Variants in EYS observed in about 807,000 individuals in gnomAD.
The protein encoded by EYS is protein eyes shut homolog.
Under a neutral mutation model 282.1 loss-of-function variants are expected in EYS, and 250 were observed. The observed-to-expected ratio is 0.89, with a 90% CI of 0.80 to 0.98. EYS has a LOEUF of 0.98. EYS is among the 50% of genes least tolerant of loss of function. The pLI, the probability that EYS is intolerant of heterozygous loss-of-function variation, is 0.00. For synonymous variants in EYS, 1,355 were observed against 1,282.9 expected (o/e 1.06, Z -1.20); for missense variants, 4,016 against 3,709.0 (o/e 1.08, Z -2.15).
chr6:64,468,593 T>C (rs1189568394), intron 26 of EYS, among the ~76,000 whole-genome samples: 1 of 152,198 alleles, frequency 6.6e-6, no homozygotes, highest in Non-Finnish European at 1.5e-5. Flanking sequence ...TACAGATTAT[T>C]TGATCACACA....
chr6:64,164,043 A>G (rs1433439162), intron 31 of EYS, among the ~76,000 whole-genome samples: 1 of 152,138 alleles, frequency 6.6e-6, no homozygotes, highest in East Asian at 1.9e-4. Flanking sequence ...ACTCTCAGAC[A>G]ATGTTTCTGA....
chr6:64,532,896 T>C (rs1764396553), intron 26 of EYS, among the ~76,000 whole-genome samples: 1 of 152,136 alleles, frequency 6.6e-6, no homozygotes, highest in Non-Finnish European at 1.5e-5. Context: ...CCCCCTATTT[T>C]GGATTCAGTT....
At position 65,123,825 on chromosome 6, in the gene EYS, C is replaced by T. The variant is rs4559078; in HGVS notation, c.2024-66098G>A. 7.9e-5 allele frequency among the ~76,000 whole-genome samples: 12 copies of T among 151,582 alleles called. No individual in the cohort carries two copies. In the East Asian group the frequency reaches 1.4e-3, roughly 17 times the overall value. On this transcript the variant is annotated intron_variant, in intron 12 of 42. Coordinates refer to ENST00000503581, the MANE Select transcript of EYS (RefSeq NM_001142800.2). ...CCAAAGAGAAAAGTTTATCATATTTCGCCAAGAATTTCCCTAAATTCTGAA... is the reference window on the plus strand; with the variant it reads ...CCAAAGAGAAAAGTTTATCATATTTTGCCAAGAATTTCCCTAAATTCTGAA...
intron 29 of EYS, among the ~76,000 whole-genome samples, chr6:64,308,982 T>A (rs1185731642): frequency 1.3e-5 from 2 of 151,084 alleles, no homozygotes; most frequent in Non-Finnish European, 2.9e-5. Context: ...TAGATTTAAT[T>A]CTTATTTTTA....
chr6:64,045,435 T>G (rs1448478605), intron 33 of EYS, among the ~76,000 whole-genome samples: 1 of 148,674 alleles, frequency 6.7e-6, no homozygotes, highest in East Asian at 1.9e-4. Flanking sequence ...TTATTTTATT[T>G]TATTTATTTT....
intron 31 of EYS, among the ~76,000 whole-genome samples, chr6:64,194,517 T>TA (rs1245923397): frequency 6.6e-6 from 1 of 152,214 alleles, no homozygotes; most frequent in African/African-American, 2.4e-5. Flanking sequence ...TTTCATGACT[T>TA]ACATATTATT....
chr6:65,557,984 T>C (rs1768884483), intron 2 of EYS, among the ~76,000 whole-genome samples: 1 of 152,048 alleles, frequency 6.6e-6, no homozygotes, highest in South Asian at 2.1e-4. Context: ...GGTTCATGGG[T>C]GGCCATGGGA....
intron 30 of EYS, among the ~76,000 whole-genome samples, chr6:64,245,737 C>T (rs923326439): frequency 1.3e-5 from 2 of 152,018 alleles, no homozygotes; most frequent in Non-Finnish European, 2.9e-5. Flanking sequence ...AACTTAGAGG[C>T]CTGAGGATAA....
chr6:65,212,780 A>G (rs1156461324), intron 12 of EYS, among the ~76,000 whole-genome samples: 2 of 152,174 alleles, frequency 1.3e-5, no homozygotes, highest in Non-Finnish European at 2.9e-5. Flanking sequence ...TAAAAAATTC[A>G]TTAATATTGT....
intron 24 of EYS, among the ~76,000 whole-genome samples, chr6:64,610,022 AG>A (rs1354027435): frequency 1.3e-5 from 2 of 152,196 alleles, no homozygotes; most frequent in African/African-American, 4.8e-5. Context: ...CATAGAGGAA[AG>A]AACACTGATC....
In EYS at chr6:65,616,679, G is replaced by A. The variant is rs566659438; in HGVS notation, c.-333+23099C>T. 3.5e-4 allele frequency among the ~76,000 whole-genome samples: 53 copies of A among 151,906 alleles called. 1 individual carries two copies. In the South Asian group the frequency reaches 1.0e-2, roughly 29 times the overall value. On this transcript the variant is annotated intron_variant, in intron 2 of 42. Coordinates refer to ENST00000503581, the MANE Select transcript of EYS (RefSeq NM_001142800.2). Reference sequence around the variant, plus strand: ...CACGTGCCTGTACTCCTAGCTACTCGGAAGGCTGAGGCAGGAGAATAGCTT... The same window carrying A: ...CACGTGCCTGTACTCCTAGCTACTCAGAAGGCTGAGGCAGGAGAATAGCTT...
intron 29 of EYS, among the ~76,000 whole-genome samples, chr6:64,385,202 T>C (rs1252691056): frequency 6.6e-6 from 1 of 152,176 alleles, no homozygotes; most frequent in Non-Finnish European, 1.5e-5. Flanking sequence ...TATCTTTCTT[T>C]TTCTGATTCA....
chr6:65,357,780 G>A (rs1427807233), intron 8 of EYS, among the ~76,000 whole-genome samples: 12 of 151,952 alleles, frequency 7.9e-5, no homozygotes, highest in Admixed American at 7.9e-4. Context: ...GTTCAAAAAT[G>A]CTGCCAATAA....
chr6:64,240,875 A>T (rs759791648), intron 30 of EYS, among the ~76,000 whole-genome samples: 3 of 152,096 alleles, frequency 2.0e-5, no homozygotes, highest in Non-Finnish European at 4.4e-5. Context: ...TCAGTATGAT[A>T]TTGGTTATAG....
chr6:65,688,680 A>C (rs1217613273), intron 1 of EYS, among the ~76,000 whole-genome samples: 1 of 152,208 alleles, frequency 6.6e-6, no homozygotes, highest in Non-Finnish European at 1.5e-5. Flanking sequence ...TTTACAAGAA[A>C]AAAACAAACA....
chr6:65,296,131 A>G lies in EYS; in HGVS notation c.1767-12T>C. The G allele has an allele frequency of 2.0e-6, 3 of 1,537,100 alleles. No individual in the cohort carries two copies. The highest frequency in any genetic ancestry group is 2.6e-6 in the Non-Finnish European group (3 of 1,143,062). On this transcript the variant is annotated splice_polypyrimidine_tract_variant and intron_variant, in intron 11 of 42. Coordinates refer to ENST00000503581, the MANE Select transcript of EYS (RefSeq NM_001142800.2). ...GAGAACAGCTGCATCTGAAACACAG[A>G]GAAATGAAAAACCCAATTAGTCATA...
At chr6:63,946,538 A>G (rs761603004) in intron 35 of EYS, among the ~76,000 whole-genome samples, 7 of 152,130 alleles carry the variant, frequency 4.6e-5, no homozygotes, top group African/African-American at 1.4e-4. Context: ...GTCTTACGCT[A>G]CATTTTACAT....
rs542199364 is a variant in EYS at position 64,232,279 on chromosome 6, T to G, written c.6192-1455A>C. 2.6e-5 allele frequency among the ~76,000 whole-genome samples: 4 copies of G among 152,316 alleles called. No homozygotes were observed. In the South Asian group the frequency reaches 8.3e-4, roughly 32 times the overall value. The stretch of plus-strand genomic sequence containing the variant: ...ATGACTTCTGTGCTTTTCTTCATTT[T>G]ATTCCTAACGATGCTTGATCTCTAG... On this transcript the variant is annotated intron_variant, in intron 30 of 42. Transcript: ENST00000503581.
chr6:64,526,995 A>G (rs892652184), intron 26 of EYS, among the ~76,000 whole-genome samples: 27 of 151,818 alleles, frequency 1.8e-4, no homozygotes, highest in African/African-American at 6.5e-4. Context: ...AGCAGATTCC[A>G]TACTGTGGAT....
Sources: allele counts gnomAD v4.1 joint callset (sites outside exome capture counted in the v4.1 genomes callset), GRCh38; gene constraint gnomAD v4.1.1; transcripts MANE v1.5; gene names NCBI Gene and HGNC (gene_info 2026-07-23, HGNC 2026-07-21).